RALYL: variants seen among roughly 807,000 people sequenced by gnomAD.
RALYL encodes RALY RNA binding protein like.
Under a neutral mutation model 35.1 loss-of-function variants are expected in RALYL, and 29 were observed. That is an observed-to-expected ratio of 0.83 (90% CI 0.61 to 1.13). The LOEUF (loss-of-function observed/expected upper bound fraction) is 1.13, where lower values mean the gene tolerates loss of function less well. Among genes scored for constraint, RALYL ranks in the 50% most tolerant of loss-of-function variants. RALYL has a pLI of 0.00. For synonymous variants in RALYL, 120 were observed against 127.6 expected (o/e 0.94, Z 0.40); for missense variants, 359 against 360.4 (o/e 1.00, Z 0.03).
At chr8:84,688,633 C>T (rs1837338787) in intron 2 of RALYL, among the ~76,000 whole-genome samples, 1 of 151,874 alleles carries the variant, frequency 6.6e-6, no homozygotes, top group South Asian at 2.1e-4. Context: ...TAGAAAAAAA[C>T]ATAGGGAAAA....
At chr8:84,460,746 A>G (rs567400350) in intron 1 of RALYL, among the ~76,000 whole-genome samples, 4 of 151,792 alleles carry the variant, frequency 2.6e-5, no homozygotes, top group Admixed American at 6.6e-5. Context: ...ATTTCATTGT[A>G]TATTTTTTCA....
At chr8:84,584,462 G>A (rs544028642) in intron 2 of RALYL, among the ~76,000 whole-genome samples, 2 of 152,182 alleles carry the variant, frequency 1.3e-5, no homozygotes, top group East Asian at 3.9e-4. Flanking sequence ...AATTAGCCAG[G>A]CATGGTGGCG....
intron 2 of RALYL, among the ~76,000 whole-genome samples, chr8:84,761,258 T>C (rs551202305): frequency 4.6e-5 from 7 of 151,600 alleles, no homozygotes; most frequent in East Asian, 3.9e-4. Flanking sequence ...TTTAAAGACC[T>C]TTAAAATTGT....
At chr8:84,693,558 A>T (rs1838513742) in intron 2 of RALYL, among the ~76,000 whole-genome samples, 2 of 151,938 alleles carry the variant, frequency 1.3e-5, no homozygotes, top group Admixed American at 1.3e-4. Context: ...GCCAAACCAT[A>T]TTAATATAAT....
chr8:84,448,591 CAGTA>C (rs1462306161), intron 1 of RALYL, among the ~76,000 whole-genome samples: 2 of 151,964 alleles, frequency 1.3e-5, no homozygotes. Context: ...GCTTTTTCTT[CAGTA>C]AGTAACTAAC....
chr8:84,844,983 G>T (rs28582647), intron 4 of RALYL, among the ~76,000 whole-genome samples: 5,558 of 152,074 alleles, frequency 0.037, 334 homozygotes, highest in African/African-American at 0.13. Flanking sequence ...TGGGGGAAGG[G>T]GGGAGGGATA....
chr8:84,302,794 A>C (rs1841060938), intron 1 of RALYL, among the ~76,000 whole-genome samples: 1 of 152,168 alleles, frequency 6.6e-6, no homozygotes. Context: ...TGAGTCTTTC[A>C]AGTACCTTTC....
intron 1 of RALYL, among the ~76,000 whole-genome samples, chr8:84,425,112 A>G (rs1157595459): frequency 2.0e-5 from 3 of 152,196 alleles, no homozygotes; most frequent in African/African-American, 7.2e-5. Flanking sequence ...TGTTTACCTA[A>G]GCAAGCCTGG....
intron 1 of RALYL, among the ~76,000 whole-genome samples, chr8:84,241,584 T>G (rs1827895046): frequency 6.6e-6 from 1 of 152,026 alleles, no homozygotes; most frequent in South Asian, 2.1e-4. Context: ...AAGACCAGCC[T>G]GGCTGATATG....
intron 1 of RALYL, among the ~76,000 whole-genome samples, chr8:84,265,235 T>A (rs1298745427): frequency 6.6e-6 from 1 of 152,208 alleles, no homozygotes; most frequent in African/African-American, 2.4e-5. Flanking sequence ...GAAGATCTGA[T>A]TAAGGATATG....
intron 5 of RALYL, among the ~76,000 whole-genome samples, chr8:84,861,551 T>C (rs1838095911): frequency 6.6e-6 from 1 of 152,236 alleles, no homozygotes. Context: ...ATGCTTGTAA[T>C]ATCTAACTAT....
chr8:84,291,671 T>C (rs1838798436), intron 1 of RALYL, among the ~76,000 whole-genome samples: 2 of 151,948 alleles, frequency 1.3e-5, no homozygotes, highest in African/African-American at 2.4e-5. Flanking sequence ...TTACTATAGA[T>C]ATAATTGTCA....
At chr8:84,732,683 T>TATATATATACACACAC in intron 2 of RALYL, among the ~76,000 whole-genome samples, 2 of 133,234 alleles carry the variant, frequency 1.5e-5, no homozygotes, top group South Asian at 2.2e-4. Flanking sequence ...TATATATATA[T>TATATATATACACACAC]ACACACACAC....
chr8:84,556,568 G>C (rs1035989331), intron 2 of RALYL, among the ~76,000 whole-genome samples: 3 of 152,076 alleles, frequency 2.0e-5, no homozygotes, highest in African/African-American at 7.2e-5. Context: ...CATTACTCTG[G>C]TAATTTTTAT....
rs553237500 is a variant in RALYL, at chr8:84,908,815, A to G, written c.859-12079A>G. On this transcript the variant is annotated intron_variant, in intron 8 of 8. Transcript: ENST00000521268. Reference sequence around the variant, plus strand: ...TGCTGATCTGCATTTCGTGCTTGACAAGTTGATGTCACTGAATGATATTCT... The same window carrying G: ...TGCTGATCTGCATTTCGTGCTTGACGAGTTGATGTCACTGAATGATATTCT... Among the ~76,000 whole-genome samples, 615 of 151,802 alleles carry G rather than the reference A, an allele frequency of 4.1e-3. 5 individuals carry two copies. Among genetic ancestry groups the G allele is most frequent in the African/African-American group, 0.013 (557 of 41,412 alleles).
chr8:84,353,948 G>T (rs948078971), intron 1 of RALYL, among the ~76,000 whole-genome samples: 2 of 149,890 alleles, frequency 1.3e-5, no homozygotes, highest in South Asian at 2.1e-4. Context: ...ATTTGTTATT[G>T]GATATCCCAG....
intron 3 of RALYL, among the ~76,000 whole-genome samples, chr8:84,791,474 G>A: frequency 6.6e-6 from 1 of 152,160 alleles, no homozygotes. Context: ...GTTTCACTCT[G>A]AGTAAAATAA....
At chr8:84,537,138 A>G (rs908485221) in intron 2 of RALYL, among the ~76,000 whole-genome samples, 4 of 140,798 alleles carry the variant, frequency 2.8e-5, no homozygotes, top group Admixed American at 2.3e-4. Context: ...AACTTAAAGT[A>G]TAATAAATAA....
intron 2 of RALYL, among the ~76,000 whole-genome samples, chr8:84,760,472 A>G (rs1466648306): frequency 6.6e-6 from 1 of 152,106 alleles, no homozygotes; most frequent in Non-Finnish European, 1.5e-5. Context: ...AAACAGAAAT[A>G]CAAAAATTTT....
Sources: gnomAD v4.1 joint callset for allele counts (sites outside exome capture counted in the v4.1 genomes callset) on GRCh38, gnomAD v4.1.1 for gene constraint, MANE v1.5 for transcripts, NCBI Gene and HGNC (gene_info 2026-07-23, HGNC 2026-07-21) for gene names.